The following DOCK1 variants were observed in gnomAD, a reference collection of about 807,000 sequenced individuals.
DOCK1 encodes the protein dedicator of cytokinesis protein 1.
A neutral mutation model predicts 262.7 loss-of-function variants in DOCK1; 138 were observed. The observed-to-expected ratio is 0.53, with a 90% CI of 0.46 to 0.61. DOCK1 has a LOEUF of 0.61. Among genes scored for constraint, DOCK1 ranks in the 20% least tolerant of loss-of-function variants. DOCK1 has a pLI of 0.00. For missense variants in DOCK1, 1,908 were observed against 2,370.7 expected (o/e 0.80, Z 4.05); for synonymous variants, 866 against 867.4 (o/e 1.00, Z 0.03).
Position 127,037,780 on chromosome 10 carries a change from G to A in DOCK1, c.1974G>A (p.Arg658=), listed in dbSNP as rs370346879. 7.9e-5 allele frequency: 127 copies of A among 1,602,056 alleles called. No homozygotes were observed. Among genetic ancestry groups the A allele is most frequent in the Admixed American group, 1.0e-4 (6 of 58,448 alleles). ...CCAGCCTGCTGCAGCAGAACTTGAG[G>A]CAGCTGATGAAAGTCGATGGTGGTG... is the stretch of plus-strand genomic sequence containing the variant. The part of the protein sequence containing the change: ...SNTSLLQQNL[R]QLMKVDGGEV... The change falls in exon 19 of 52, where the codon AGG becomes AGA. Residue 658 remains arginine (R), a synonymous_variant. Coordinates refer to ENST00000623213, the MANE Select transcript of DOCK1 (RefSeq NM_001290223.2).
intron 28 of DOCK1, among the ~76,000 whole-genome samples, chr10:127,250,136 A>C (rs548309947): frequency 6.6e-6 from 1 of 152,246 alleles, no homozygotes; most frequent in South Asian, 2.1e-4. Context: ...TCCAGGTTGA[A>C]TAATAAAGTC....
chr10:126,915,511 T>C (rs9423011), intron 1 of DOCK1, among the ~76,000 whole-genome samples: 43,261 of 151,870 alleles, frequency 0.28, 7,539 homozygotes, highest in East Asian at 0.71. Context: ...CTCCGCCTCC[T>C]GGATTCAAGC....
chr10:127,090,425 C>T (rs1564795313), intron 23 of DOCK1, among the ~76,000 whole-genome samples: 3 of 151,546 alleles, frequency 2.0e-5, no homozygotes, highest in East Asian at 1.9e-4. Context: ...CACCCGGTGA[C>T]TATTCCAAGA....
At chr10:127,326,960 A>G (rs534293571) in intron 29 of DOCK1, among the ~76,000 whole-genome samples, 7 of 152,346 alleles carry the variant, frequency 4.6e-5, no homozygotes, top group Admixed American at 1.3e-4. Context: ...TTTGAAAGGC[A>G]TCTTGTTTCT....
In DOCK1 at chr10:126,948,353, G is replaced by T; in HGVS notation, c.47-22349G>T. Among the ~76,000 whole-genome samples the T allele has an allele frequency of 2.5e-5, 2 of 78,860 alleles. 1 individual carries two copies. Among genetic ancestry groups the T allele is most frequent in the African/African-American group, 1.1e-4 (2 of 18,508 alleles). 51.7% of individuals were successfully genotyped at this position (78,860 alleles called of 152,430 possible). A position where few individuals can be genotyped will look rare whatever the true frequency, so the allele number is the denominator to read the frequency against. The stretch of plus-strand genomic sequence containing the variant: ...TGGTAGTATTACTGTTGGTGGTGAT[G>T]GTGGTGGTTGGTAGTATTACTGTTG... On this transcript the variant is annotated intron_variant, in intron 1 of 51. Transcript: ENST00000623213.
At chr10:127,209,969 G>A (rs576124786) in intron 27 of DOCK1, among the ~76,000 whole-genome samples, 10 of 152,230 alleles carry the variant, frequency 6.6e-5, no homozygotes, top group African/African-American at 2.2e-4. Context: ...GGTAAGTCCC[G>A]TGGACTTGGA....
chr10:127,020,679 A>G (rs932857000), intron 13 of DOCK1, among the ~76,000 whole-genome samples: 3 of 152,070 alleles, frequency 2.0e-5, no homozygotes, highest in African/African-American at 7.2e-5. Flanking sequence ...GTCCTCGGGT[A>G]TATATCTCAC....
At chr10:127,259,053 T>G (rs1043238948) in intron 29 of DOCK1, among the ~76,000 whole-genome samples, 1 of 150,762 alleles carries the variant, frequency 6.6e-6, no homozygotes, top group Non-Finnish European at 1.5e-5. Context: ...AGGGAGGGAG[T>G]GATGTTCACC....
intron 27 of DOCK1, among the ~76,000 whole-genome samples, chr10:127,237,353 T>TC (rs1387740593): frequency 1.1e-5 from 1 of 90,790 alleles, no homozygotes; most frequent in Non-Finnish European, 2.1e-5. Flanking sequence ...AGAGCAAAAC[T>TC]CCATCTCAGG....
intron 27 of DOCK1, among the ~76,000 whole-genome samples, chr10:127,174,644 A>G (rs1275849046): frequency 6.6e-6 from 1 of 152,200 alleles, no homozygotes; most frequent in Non-Finnish European, 1.5e-5. Flanking sequence ...CTGGTCTCAC[A>G]ATGCCCATTG....
chr10:127,264,588 C>T (rs781643235), intron 29 of DOCK1, among the ~76,000 whole-genome samples: 9 of 152,106 alleles, frequency 5.9e-5, no homozygotes, highest in African/African-American at 1.2e-4. Context: ...GCAAATAAGA[C>T]GGTTGCCGGG....
At chr10:127,180,539 C>G (rs899926106) in intron 27 of DOCK1, among the ~76,000 whole-genome samples, 4 of 152,188 alleles carry the variant, frequency 2.6e-5, no homozygotes, top group African/African-American at 9.7e-5. Context: ...ATATAAATGT[C>G]TTAATTACCC....
chr10:126,982,064 C>G, intron 4 of DOCK1, 91 bp downstream of exon 4: 4 of 1,376,768 alleles, frequency 2.9e-6, no homozygotes, highest in Non-Finnish European at 4.1e-6. Context: ...ATGAGAGGGT[C>G]AAGACAATGG....
intron 19 of DOCK1, among the ~76,000 whole-genome samples, chr10:127,039,814 G>A (rs557194296): frequency 6.6e-6 from 1 of 152,270 alleles, no homozygotes; most frequent in East Asian, 1.9e-4. Flanking sequence ...GGCATTGCTT[G>A]GTAGATTGAG....
chr10:126,954,311 C>T (rs897684580), intron 1 of DOCK1, among the ~76,000 whole-genome samples: 4 of 152,350 alleles, frequency 2.6e-5, no homozygotes, highest in Admixed American at 6.5e-5. Context: ...GAATCACAGC[C>T]GATGCAGGGG....
chr10:127,424,882 G>A (rs959520839), intron 46 of DOCK1, among the ~76,000 whole-genome samples: 1 of 152,132 alleles, frequency 6.6e-6, no homozygotes, highest in Non-Finnish European at 1.5e-5. Context: ...GGCTATGAGC[G>A]AGGAGAGCGC....
At chr10:126,969,716 T>A (rs1417233911) in intron 1 of DOCK1, among the ~76,000 whole-genome samples, 1 of 152,156 alleles carries the variant, frequency 6.6e-6, no homozygotes, top group Non-Finnish European at 1.5e-5. Context: ...TGGACTGGCT[T>A]CTTTCCTTCA....
At chr10:127,041,913 C>T (rs986475983) in intron 19 of DOCK1, among the ~76,000 whole-genome samples, 1 of 152,094 alleles carries the variant, frequency 6.6e-6, no homozygotes, top group African/African-American at 2.4e-5. Flanking sequence ...CTTCCAACAC[C>T]GTGATCTTCA....
At chr10:126,931,792 C>G (rs1054615242) in intron 1 of DOCK1, among the ~76,000 whole-genome samples, 5 of 152,066 alleles carry the variant, frequency 3.3e-5, no homozygotes, top group African/African-American at 7.2e-5. Context: ...TGAGGATATG[C>G]GTGGCCCCTG....
Sources: gnomAD v4.1 joint callset for allele counts (sites outside exome capture counted in the v4.1 genomes callset) on GRCh38, gnomAD v4.1.1 for gene constraint, MANE v1.5 for transcripts, NCBI Gene and HGNC (gene_info 2026-07-23, HGNC 2026-07-21) for gene names.